Variants in C6orf62 observed in about 807,000 individuals in gnomAD.
C6orf62 encodes uncharacterized protein C6orf62.
C6orf62 carries 16 observed loss-of-function variants against 26.8 expected under a neutral mutation model. The observed-to-expected ratio is 0.60, with a 90% CI of 0.40 to 0.91. The LOEUF (loss-of-function observed/expected upper bound fraction) is 0.91, where lower values mean the gene tolerates loss of function less well. C6orf62 is among the 40% of genes least tolerant of loss of function. The pLI is 0.00. For synonymous variants in C6orf62, 112 were observed against 91.5 expected, an observed-to-expected ratio of 1.22 and a Z score of -1.28; for missense variants, 192 against 271.4, an observed-to-expected ratio of 0.71 and a Z score of 2.06.
At position 24,706,276 on chromosome 6, in the gene C6orf62, A is replaced by C; in HGVS notation, c.565-14T>G. The stretch of plus-strand genomic sequence containing the variant: ...GTTTTTTGGAGTCTGGAAGGGGAAA[A>C]CATTTTAATATTTTTTAAAAATAAG... On this transcript the variant is annotated splice_polypyrimidine_tract_variant and intron_variant, in intron 4 of 4. Transcript: ENST00000378119. 6.2e-7 allele frequency: 1 copy of C among 1,613,336 alleles called. No homozygotes were observed. The highest frequency in any genetic ancestry group is 8.5e-7 in the Non-Finnish European group (1 of 1,179,736).
At chr6:24,717,515 T>G (rs1318807277) in intron 1 of C6orf62, among the ~76,000 whole-genome samples, 1 of 152,224 alleles carries the variant, frequency 6.6e-6, no homozygotes, top group Non-Finnish European at 1.5e-5. Flanking sequence ...GAGTTGGGGC[T>G]GTGCGTGGCA....
intron 4 of C6orf62, 138 bp downstream of exon 4, chr6:24,708,639 A>G (rs559115384): frequency 1.3e-5 from 16 of 1,194,900 alleles, no homozygotes; most frequent in Non-Finnish European, 1.7e-5. Flanking sequence ...TGCCCAGCCT[A>G]TTTTTTGCTT....
chr6:24,719,941 G>T (rs769770530), upstream of C6orf62: 1 of 1,550,422 alleles, frequency 6.4e-7, no homozygotes, highest in Non-Finnish European at 8.7e-7. Flanking sequence ...GGAGTGGGCG[G>T]GAGAGGGTAA....
intron 3 of C6orf62, chr6:24,709,221 T>C (rs1471624959): frequency 1.0e-6 from 1 of 985,000 alleles, no homozygotes. Context: ...GAGAATTCTA[T>C]TGGACAGTAC....
chr6:24,718,648 C>G lies in C6orf62; in HGVS notation c.21G>C (p.Arg7=), dbSNP rs755899978. 35 of 1,613,902 alleles carry G rather than the reference C, an allele frequency of 2.2e-5. No homozygotes were observed. Among genetic ancestry groups the G allele is most frequent in the Non-Finnish European group, 3.0e-5 (35 of 1,179,992 alleles). MGDPNS[R]KKQALNRLRA... The stretch of plus-strand genomic sequence containing the variant: ...GTAGTCTGTTCAGAGCTTGTTTCTT[C>G]CGGGAGTTTGGGTCCCCCATTTTGA... Residue 7 remains arginine, a synonymous_variant, in exon 1 of 5, where the codon CGG becomes CGC. Transcript: ENST00000378119.
chr6:24,719,352 A>G (rs1202324266), upstream of C6orf62: 3 of 1,001,818 alleles, frequency 3.0e-6, no homozygotes, highest in Non-Finnish European at 3.6e-6. Context: ...CTTGGTGGTG[A>G]GCATAGAGAA....
chr6:24,706,306 T>A (rs1224366025), intron 4 of C6orf62, 44 bp from the exon 5 acceptor site: 4 of 1,606,062 alleles, frequency 2.5e-6, no homozygotes, highest in Non-Finnish European at 3.4e-6. Flanking sequence ...AATAAGACTT[T>A]AGCGTAACTG....
rs1581392309 is a variant in C6orf62, at chr6:24,706,117, C to T, written c.*20G>A. The T allele has an allele frequency of 6.2e-7, 1 of 1,608,924 alleles. No individual in the cohort carries two copies. The highest frequency in any genetic ancestry group is 8.5e-7 in the Non-Finnish European group (1 of 1,177,648). On this transcript the variant is annotated 3_prime_UTR_variant, in exon 5 of 5. Transcript: ENST00000378119. ...CTGCTGCTGCATTCTCTGATCTTCTCCATTTTGCTGGTCAGTACTCTACTC... is the reference window on the plus strand; with the variant it reads ...CTGCTGCTGCATTCTCTGATCTTCTTCATTTTGCTGGTCAGTACTCTACTC...
chr6:24,704,965 A>G lies in C6orf62; in HGVS notation c.*1172T>C, dbSNP rs1778974972. ...AAATTCCAACCAGAAGCTAAATACA[A>G]TTGGAAACTGGTAAGCACTAGTTTT... On this transcript the variant is annotated 3_prime_UTR_variant, in exon 5 of 5. Coordinates refer to ENST00000378119, the MANE Select transcript of C6orf62 (RefSeq NM_030939.5). The G allele has an allele frequency of 1.3e-5, 2 of 152,046 alleles. No individual in the cohort carries two copies. Among genetic ancestry groups the G allele is most frequent in the African/African-American group, 4.8e-5 (2 of 41,300 alleles). 9.4% of individuals were successfully genotyped at this position (152,046 alleles called of 1,614,324 possible). A position where few individuals can be genotyped will look rare whatever the true frequency, so the allele number is the denominator to read the frequency against.
chr6:24,717,380 T>G (rs1198893027), intron 1 of C6orf62, among the ~76,000 whole-genome samples: 1 of 152,226 alleles, frequency 6.6e-6, no homozygotes, highest in Non-Finnish European at 1.5e-5. Context: ...AAAGTGGAGA[T>G]GTAAGTCCTT....
intron 1 of C6orf62, 111 bp downstream of exon 1, chr6:24,718,429 C>A (rs1779280476): frequency 4.4e-6 from 5 of 1,139,548 alleles, no homozygotes; most frequent in Non-Finnish European, 3.7e-6. Context: ...ACAAAGCAGA[C>A]TTTTTTTCAA....
intron 1 of C6orf62, among the ~76,000 whole-genome samples, chr6:24,716,546 T>A (rs1779234295): frequency 1.3e-5 from 2 of 152,184 alleles, no homozygotes. Flanking sequence ...GTTTAATGCT[T>A]GAGTTTTATA....
chr6:24,720,358 G>A (rs1298734684), upstream of C6orf62: 1 of 1,235,636 alleles, frequency 8.1e-7, no homozygotes, highest in Non-Finnish European at 1.0e-6. Context: ...AGCCAACTGA[G>A]CCCCTCCATC....
At chr6:24,712,474 T>A (rs1413356098) in intron 3 of C6orf62, among the ~76,000 whole-genome samples, 1 of 151,690 alleles carries the variant, frequency 6.6e-6, no homozygotes, top group African/African-American at 2.4e-5. Context: ...ATCGAGACCA[T>A]CCCGGCCAAC....
chr6:24,716,229 G>C lies in C6orf62; in HGVS notation c.225C>G (p.Ser75Arg). 6.2e-7 allele frequency: 1 copy of C among 1,613,278 alleles called. No homozygotes were observed. The highest frequency in any genetic ancestry group is 8.5e-7 in the Non-Finnish European group (1 of 1,179,222). The change falls in exon 2 of 5, where the codon AGC becomes AGG. Residue 75 changes from serine (S) to arginine (R), a missense_variant. Transcript: ENST00000378119. ...GCTCTAGGGAACTTTCCAAGGAATAGCTGGAATCTCGCACACCTTTCAGGA... is the reference window on the plus strand; with the variant it reads ...GCTCTAGGGAACTTTCCAAGGAATACCTGGAATCTCGCACACCTTTCAGGA... ...ENILKGVRDS[S>R]YSLESSLELL...
chr6:24,709,857 C>G, intron 3 of C6orf62: 1 of 984,048 alleles, frequency 1.0e-6, no homozygotes, highest in Non-Finnish European at 1.2e-6. Flanking sequence ...TTAGACAATA[C>G]TGAGTTGTAC....
At chr6:24,720,013 GCCCAC>G, upstream of C6orf62, 1 of 1,479,408 alleles carries the variant, frequency 6.8e-7, no homozygotes, top group Non-Finnish European at 9.0e-7. Flanking sequence ...TCTAAAGTAA[GCCCAC>G]CCACCCTCCC....
chr6:24,716,223 G>A lies in C6orf62; in HGVS notation c.231C>T (p.Ser77=), dbSNP rs1779226606. The A allele has an allele frequency of 1.9e-6, 3 of 1,613,610 alleles. No individual in the cohort carries two copies. Among genetic ancestry groups the A allele is most frequent in the African/African-American group, 1.3e-5 (1 of 74,996 alleles). ...ILKGVRDSSY[S]LESSLELLQK... ...GTAAAAGCTCTAGGGAACTTTCCAA[G>A]GAATAGCTGGAATCTCGCACACCTT... Residue 77 remains serine (S), a synonymous_variant, in exon 2 of 5, where the codon TCC becomes TCT. Coordinates refer to ENST00000378119, the MANE Select transcript of C6orf62 (RefSeq NM_030939.5).
Position 24,706,183 on chromosome 6 carries a change from G to A in C6orf62, c.644C>T (p.Ala215Val), listed in dbSNP as rs772556762. Residue 215 changes from alanine to valine, a missense_variant, in exon 5 of 5, where the codon GCA becomes GTA. Transcript: ENST00000378119. ...GAGGTGATCCTCTATGGTGCCAACT[G>A]CCCAGTGGGTGAGCTGTTCCTGTGG... Reference protein sequence around the residue: ...YLPQEQLTHWAVGTIEDHLRP... With the variant: ...YLPQEQLTHWVVGTIEDHLRP... 15 of 1,614,198 alleles carry A rather than the reference G, an allele frequency of 9.3e-6. No individual in the cohort carries two copies. In the South Asian group the frequency reaches 1.6e-4, roughly 18 times the overall value.
Sources: gnomAD v4.1 joint callset for allele counts (sites outside exome capture counted in the v4.1 genomes callset) on GRCh38, gnomAD v4.1.1 for gene constraint, MANE v1.5 for transcripts, NCBI Gene and HGNC (gene_info 2026-07-23, HGNC 2026-07-21) for gene names.